SHE: variants seen among roughly 807,000 people sequenced by gnomAD.
SHE encodes the protein Src homology 2 domain containing E.
In SHE, 11 loss-of-function variants were observed where a neutral mutation model predicts 49.8. That is an observed-to-expected ratio of 0.22 (90% CI 0.14 to 0.37). The LOEUF (loss-of-function observed/expected upper bound fraction) is 0.37, where lower values mean the gene tolerates loss of function less well. Among genes scored for constraint, SHE ranks in the 10% least tolerant of loss-of-function variants. The pLI is 1.00. For synonymous variants in SHE, 310 were observed against 278.1 expected (o/e 1.11, Z -1.14); for missense variants, 624 against 655.5 (o/e 0.95, Z 0.52).
intron 1 of SHE, among the ~76,000 whole-genome samples, chr1:154,473,101 C>T (rs560063206): frequency 1.6e-4 from 24 of 152,016 alleles, no homozygotes; most frequent in East Asian, 5.9e-4. Flanking sequence ...CGGGTTCAAG[C>T]GATTCTCCTG....
intron 1 of SHE, among the ~76,000 whole-genome samples, chr1:154,499,909 G>A (rs894751982): frequency 3.3e-5 from 5 of 152,176 alleles, no homozygotes; most frequent in African/African-American, 1.2e-4. Context: ...GTGTCAGAAA[G>A]CATCCATCTT....
chr1:154,480,324 A>G lies in SHE; in HGVS notation c.*3825T>C, dbSNP rs1015792788. ...CACTCCCTAAACCCTGGAAGGAGGG[A>G]GAAACAAGGGGCTAACCTTTGACTG... On this transcript the variant is annotated 3_prime_UTR_variant, in exon 6 of 6. Transcript: ENST00000304760. 5.1e-6 allele frequency: 5 copies of G among 985,276 alleles called. No homozygotes were observed. The highest frequency in any genetic ancestry group is 6.1e-5 in the Admixed American group (1 of 16,264). The allele number at this position is 985,276 out of a possible 1,614,324, so 61.0% of individuals were successfully genotyped here.
In SHE at chr1:154,499,043, G is replaced by C. The variant is rs182199845; in HGVS notation, c.718+69C>G. 166 of 1,560,112 alleles carry C rather than the reference G, an allele frequency of 1.1e-4. 1 individual carries two copies. The African/African-American group carries it at 1.9e-3, about 18-fold the overall frequency. ...TTATCCCTCTTCCCCAATAGACACC[G>C]GTTACTATATTACAACACTCACTGA... On this transcript the variant is annotated intron_variant, in intron 2 of 5. Coordinates refer to ENST00000304760, the MANE Select transcript of SHE (RefSeq NM_001010846.3).
chr1:154,481,517 T>TTA lies in SHE; in HGVS notation c.*2630_*2631dup, dbSNP rs1314062137. ...ATGTATCTGGCCTGTTTTCAAGATG[T>TTA]TATTTCATTATACATTCATCACAGT... is the stretch of plus-strand genomic sequence containing the variant. On this transcript the variant is annotated 3_prime_UTR_variant, in exon 6 of 6. Transcript: ENST00000304760. 1.0e-5 allele frequency: 10 copies of TTA among 985,318 alleles called. No homozygotes were observed. The highest frequency in any genetic ancestry group is 1.7e-5 in the African/African-American group (1 of 57,234). 61.0% of individuals were successfully genotyped at this position (985,318 alleles called of 1,614,324 possible).
intron 3 of SHE, 64 bp downstream of exon 3, chr1:154,488,987 G>A: frequency 2.0e-6 from 3 of 1,497,814 alleles, no homozygotes; most frequent in East Asian, 2.3e-5. Context: ...AAACAAATGT[G>A]GGGCTGATGC....
exon 2 of SHE, chr1:154,470,129 C>A: frequency 2.7e-6 from 1 of 371,144 alleles, no homozygotes; most frequent in Non-Finnish European, 5.1e-6. Context: ...GCCGCCATCT[C>A]CTTCAGGACA....
At position 154,484,110 on chromosome 1, in the gene SHE, T is replaced by C. The variant is rs556420965; in HGVS notation, c.*39A>G. Reference sequence around the variant, plus strand: ...GCTGGTTGTGCGCTGATGATGCCCTTGAAGGTGCCAGAGGCCCAGGGCTTG... The same window carrying C: ...GCTGGTTGTGCGCTGATGATGCCCTCGAAGGTGCCAGAGGCCCAGGGCTTG... On this transcript the variant is annotated 3_prime_UTR_variant, in exon 6 of 6. Coordinates refer to ENST00000304760, the MANE Select transcript of SHE (RefSeq NM_001010846.3). The C allele has an allele frequency of 4.4e-6, 7 of 1,595,848 alleles. No homozygotes were observed. The East Asian group carries it at 9.0e-5, about 20-fold the overall frequency.
rs755012416 is a variant in SHE at position 154,489,344 on chromosome 1, C to T, written c.731G>A (p.Arg244Gln). 34 of 1,612,532 alleles carry T rather than the reference C, an allele frequency of 2.1e-5. No individual in the cohort carries two copies. Among genetic ancestry groups the T allele is most frequent in the South Asian group, 1.5e-4 (14 of 91,032 alleles). The change falls in exon 3 of 6, where the codon CGG (arginine) becomes CAG (glutamine). Residue 244 changes from arginine to glutamine, a missense_variant. By Grantham distance (43) the Arg-to-Gln change is conservative. Around this residue, in one of 4 missense-constraint regions of SHE, gnomAD observed 155 missense variants for 142.0 expected, o/e 1.09. Coordinates refer to ENST00000304760, the MANE Select transcript of SHE (RefSeq NM_001010846.3). ...AQQMITEIRR[R>Q]GSKDPLVKAL... ...CTTCACCAGGGGATCTTTGGAACCC[C>T]GTCGTCTAATTTCTGAAAAACACAC...
At chr1:154,497,759 C>T (rs1249081366) in intron 2 of SHE, among the ~76,000 whole-genome samples, 1 of 152,076 alleles carries the variant, frequency 6.6e-6, no homozygotes, top group East Asian at 1.9e-4. Flanking sequence ...TGGCTCACCA[C>T]AACCTCTGCC....
At chr1:154,471,122 C>G (rs981983879) in intron 1 of SHE, among the ~76,000 whole-genome samples, 8 of 152,156 alleles carry the variant, frequency 5.3e-5, no homozygotes, top group Non-Finnish European at 1.0e-4. Flanking sequence ...AGTGGTGAGC[C>G]CGCGGGCCAC....
intron 5 of SHE, chr1:154,484,804 A>C (rs1191709106): frequency 1.3e-5 from 2 of 152,542 alleles, no homozygotes; most frequent in African/African-American, 4.8e-5. Context: ...TCTACTAAAA[A>C]ATACAAAAAA....
chr1:154,486,770 G>C, intron 3 of SHE, 87 bp from the exon 4 acceptor site: 4 of 1,484,398 alleles, frequency 2.7e-6, no homozygotes, highest in South Asian at 1.2e-5. Context: ...GCCTGCCTTG[G>C]CTCAGGAAAG....
At chr1:154,475,847 C>T (rs1691865501), downstream of SHE, among the ~76,000 whole-genome samples, 1 of 152,078 alleles carries the variant, frequency 6.6e-6, no homozygotes, top group Non-Finnish European at 1.5e-5. Flanking sequence ...ACAATCTCAG[C>T]TAACTGCAAC....
At chr1:154,473,202 G>A (rs1331901677) in intron 1 of SHE, among the ~76,000 whole-genome samples, 2 of 151,910 alleles carry the variant, frequency 1.3e-5, no homozygotes, top group African/African-American at 2.4e-5. Flanking sequence ...GTTTCTCCGT[G>A]TTGGTCAGGC....
intron 1 of SHE, among the ~76,000 whole-genome samples, chr1:154,473,678 C>A (rs1010120869): frequency 6.6e-6 from 1 of 152,034 alleles, no homozygotes; most frequent in Non-Finnish European, 1.5e-5. Context: ...CTGGCACATG[C>A]CTGTAGTCGT....
chr1:154,499,309 C>T (rs1692635677), intron 1 of SHE, 71 bp from the exon 2 acceptor site: 1 of 1,528,096 alleles, frequency 6.5e-7, no homozygotes, highest in Non-Finnish European at 8.9e-7. Flanking sequence ...ATCAAAATGG[C>T]TACTGACATC....
intron 2 of SHE, among the ~76,000 whole-genome samples, chr1:154,496,622 G>A (rs929822315): frequency 1.3e-5 from 2 of 152,052 alleles, no homozygotes; most frequent in African/African-American, 4.8e-5. Context: ...GCTAATTCCT[G>A]CTCTGTCTCT....
At position 154,480,626 on chromosome 1, in the gene SHE, CA is replaced by C. The variant is rs1427563017; in HGVS notation, c.*3522del. 1 of 985,322 alleles carries C rather than the reference CA, an allele frequency of 1.0e-6. No individual in the cohort carries two copies. Among genetic ancestry groups the C allele is most frequent in the Non-Finnish European group, 1.2e-6 (1 of 829,940 alleles). 61.0% of individuals were successfully genotyped at this position (985,322 alleles called of 1,614,324 possible). On this transcript the variant is annotated 3_prime_UTR_variant, in exon 6 of 6. Transcript: ENST00000304760. ...TTCTGCAAAGTACGGAGACTTCCAA[CA>C]GCAAAGAATAAAGGCTTTCTAAAAT...
rs962383212 is a variant in SHE, at chr1:154,482,487, T to A, written c.*1662A>T. ...GTAACTAGTAACTACAAAGGTATAC[T>A]TTCCTAAAAAATTAACCAAATCAAC... On this transcript the variant is annotated 3_prime_UTR_variant, in exon 6 of 6. Coordinates refer to ENST00000304760, the MANE Select transcript of SHE (RefSeq NM_001010846.3). 1.0e-6 allele frequency: 1 copy of A among 985,276 alleles called. No individual in the cohort carries two copies. The highest frequency in any genetic ancestry group is 1.7e-5 in the African/African-American group (1 of 57,250). 61.0% of individuals were successfully genotyped at this position (985,276 alleles called of 1,614,324 possible). A position where few individuals can be genotyped will look rare whatever the true frequency, so the allele number is the denominator to read the frequency against.
Sources: allele counts gnomAD v4.1 joint callset (sites outside exome capture counted in the v4.1 genomes callset), GRCh38; gene constraint gnomAD v4.1.1; regional missense constraint gnomAD v4.1.1; transcripts MANE v1.5; gene names NCBI Gene and HGNC (gene_info 2026-07-23, HGNC 2026-07-21).